The following A1BG variants were observed in gnomAD, a reference collection of about 807,000 sequenced individuals.
A1BG encodes alpha-1B-glycoprotein.
In A1BG, 44 loss-of-function variants were observed where a neutral mutation model predicts 46.0. The observed-to-expected ratio is 0.96, with a 90% CI of 0.75 to 1.23. The LOEUF (loss-of-function observed/expected upper bound fraction) is 1.23. Ranked by LOEUF, A1BG falls within the 50% of genes most tolerant of loss-of-function variation. A1BG has a pLI of 0.00. For synonymous variants in A1BG, 316 were observed against 314.7 expected (o/e 1.00, Z -0.04); for missense variants, 707 against 688.8 (o/e 1.03, Z -0.30).
At chr19:58,351,716 C>T in intron 4 of A1BG, 29 bp from the exon 5 acceptor site, 2 of 1,546,964 alleles carry the variant, frequency 1.3e-6, no homozygotes, top group Non-Finnish European at 1.7e-6. Context: ...TACTAGGCTG[C>T]CCCATCCCTG....
At position 58,353,347 on chromosome 19, in the gene A1BG, A is replaced by T; in HGVS notation, c.35-20T>A. The T allele has an allele frequency of 6.2e-7, 1 of 1,610,542 alleles. No individual in the cohort carries two copies. The highest frequency in any genetic ancestry group is 8.5e-7 in the Non-Finnish European group (1 of 1,178,456). On this transcript the variant is annotated intron_variant, in intron 1 of 7. Coordinates refer to ENST00000263100, the MANE Select transcript of A1BG (RefSeq NM_130786.4). Reference sequence around the variant, plus strand: ...TGACACCTGCGGAGACAGCCCCCGTAAGGCTCCTGTTCCCGCCCCCTCCCG... The same window carrying T: ...TGACACCTGCGGAGACAGCCCCCGTTAGGCTCCTGTTCCCGCCCCCTCCCG...
Position 58,353,040 on chromosome 19 carries a change from G to A in A1BG, c.228C>T (p.Ala76=). 6.2e-7 allele frequency: 1 copy of A among 1,614,142 alleles called. No individual in the cohort carries two copies. The highest frequency in any genetic ancestry group is 8.5e-7 in the Non-Finnish European group (1 of 1,180,022). Residue 76 remains alanine (A), a synonymous_variant, in exon 3 of 8, where the codon GCC becomes GCT. Transcript: ENST00000263100. The part of the protein sequence containing the change: ...AQEPVHLDSP[A]IKHQFLLTGD... ...CCGTCAGCAGGAACTGGTGCTTGAT[G>A]GCAGGTGAGTCAAGGTGCACAGGCT...
In A1BG at chr19:58,351,528, CT is replaced by C; in HGVS notation, c.772del (p.Ser258AlafsTer9). ...KELLVPRSST[S>X]PDRIFFHLNA... ...CAGGTGAAAGAAGATGCGATCTGGG[CT>C]GGTGCTGCTCCTGGGTACCAGCAGC... On this transcript the variant is annotated frameshift_variant, in exon 5 of 8. Transcript: ENST00000263100. LOFTEE classifies it high-confidence loss of function. 6.2e-7 allele frequency: 1 copy of C among 1,613,956 alleles called. No individual in the cohort carries two copies. The highest frequency in any genetic ancestry group is 8.5e-7 in the Non-Finnish European group (1 of 1,180,022).
chr19:58,351,549 A>G lies in A1BG; in HGVS notation c.752T>C (p.Leu251Pro). The change falls in exon 5 of 8, where the codon CTG (leucine) becomes CCG (proline). Residue 251 changes from leucine to proline, a missense_variant. Transcript: ENST00000263100. ...TGGGCTGGTGCTGCTCCTGGGTACC[A>G]GCAGCTCTTTCTCCCCGCGCCGTAG... ...FQLRRGEKEL[L>P]VPRSSTSPDR... is the part of the protein sequence containing the mutation. 6.2e-7 allele frequency: 1 copy of G among 1,613,954 alleles called. No homozygotes were observed. Among genetic ancestry groups the G allele is most frequent in the South Asian group, 1.1e-5 (1 of 91,086 alleles).
At chr19:58,350,338 C>T (rs2051945981) in intron 6 of A1BG, 32 bp downstream of exon 6, 1 of 1,520,446 alleles carries the variant, frequency 6.6e-7, no homozygotes, top group Non-Finnish European at 8.9e-7. Flanking sequence ...ACTGAACCCG[C>T]GCCCGCCCTC....
At position 58,351,505 on chromosome 19, in the gene A1BG, G is replaced by A; in HGVS notation, c.796C>T (p.Leu266=). The A allele has an allele frequency of 6.2e-7, 1 of 1,613,926 alleles. No individual in the cohort carries two copies. Among genetic ancestry groups the A allele is most frequent in the Non-Finnish European group, 8.5e-7 (1 of 1,180,028 alleles). ...CCATCCCCCAGGGCCACCGCGTTCA[G>A]GTGAAAGAAGATGCGATCTGGGCTG... ...STSPDRIFFH[L]NAVALGDGGH... The change falls in exon 5 of 8, where the codon CTG becomes TTG. Residue 266 remains leucine (L), a synonymous_variant. Coordinates refer to ENST00000263100, the MANE Select transcript of A1BG (RefSeq NM_130786.4).
chr19:58,351,500 G>A lies in A1BG; in HGVS notation c.801C>T (p.Asn267=), dbSNP rs778577569. 12 of 1,613,742 alleles carry A rather than the reference G, an allele frequency of 7.4e-6. No individual in the cohort carries two copies. The African/African-American group carries it at 8.0e-5, about 11-fold the overall frequency. Residue 267 remains asparagine, a synonymous_variant, in exon 5 of 8, where the codon AAC becomes AAT. Coordinates refer to ENST00000263100, the MANE Select transcript of A1BG (RefSeq NM_130786.4). ...TSPDRIFFHL[N]AVALGDGGHY... The stretch of plus-strand genomic sequence containing the variant: ...GACCTCCATCCCCCAGGGCCACCGC[G>A]TTCAGGTGAAAGAAGATGCGATCTG...
rs867791662 is a variant in A1BG at position 58,350,773 on chromosome 19, C to T, written c.911-122G>A. On this transcript the variant is annotated intron_variant, in intron 5 of 7. Transcript: ENST00000263100. ...TGCCCGCAATGACCTGGCCAGCTTC[C>T]TCCCTCGCCTCCTCCGGGCCCGCCC... The T allele has an allele frequency of 1.8e-5, 19 of 1,080,266 alleles. No homozygotes were observed. In the Admixed American group the frequency reaches 4.3e-4, roughly 24 times the overall value. 66.9% of individuals were successfully genotyped at this position (1,080,266 alleles called of 1,614,324 possible). A position where few individuals can be genotyped will look rare whatever the true frequency, so the allele number is the denominator to read the frequency against.
intron 7 of A1BG, 138 bp downstream of exon 7, chr19:58,347,215 C>T: frequency 7.2e-7 from 1 of 1,390,420 alleles, no homozygotes; most frequent in Non-Finnish European, 9.8e-7. Flanking sequence ...CCCGCAATTC[C>T]CCCACGAGCC....
chr19:58,347,671 G>GCCACGCC (rs1277817773), intron 6 of A1BG, 31 bp from the exon 7 acceptor site: 2 of 1,369,450 alleles, frequency 1.5e-6, no homozygotes, highest in Non-Finnish European at 1.9e-6. Flanking sequence ...GTCGGGCCAG[G>GCCACGCC]CCACGCCCCA....
rs1201382332 is a variant in A1BG, at chr19:58,350,387, AAGCGCTCGCTGGGCGCGG to A, written c.1157_1174del (p.Ser386_Arg391del). 3 of 1,547,872 alleles carry A rather than the reference AAGCGCTCGCTGGGCGCGG, an allele frequency of 1.9e-6. No individual in the cohort carries two copies. Among genetic ancestry groups the A allele is most frequent in the African/African-American group, 1.4e-5 (1 of 72,908 alleles). ...CAGCTCACCGTCCACGTGCAGCTCC[AAGCGCTCGCTGGGCGCGG>A]AGCCCCCGAAAGGCGGCTTCAGGTC... On this transcript the variant is annotated inframe_deletion, in exon 6 of 8. Coordinates refer to ENST00000263100, the MANE Select transcript of A1BG (RefSeq NM_130786.4).
At chr19:58,350,039 G>A (rs1017575060) in intron 6 of A1BG, 3 of 264,780 alleles carry the variant, frequency 1.1e-5, no homozygotes, top group Non-Finnish European at 2.1e-5. Flanking sequence ...GGGGCGGGGG[G>A]TCCAGTATGA....
intron 3 of A1BG, 131 bp downstream of exon 3, chr19:58,352,797 T>G: frequency 7.4e-7 from 1 of 1,348,450 alleles, no homozygotes; most frequent in Non-Finnish European, 1.0e-6. Context: ...AACACAGACA[T>G]CATCCCCATT....
rs1428044565 is a variant in A1BG, at chr19:58,352,286, G to A, written c.610C>T (p.Leu204Phe). The A allele has an allele frequency of 6.2e-7, 1 of 1,613,198 alleles. No individual in the cohort carries two copies. Residue 204 changes from leucine (L) to phenylalanine (F), a missense_variant, in exon 4 of 8, where the codon CTC becomes TTC. Coordinates refer to ENST00000263100, the MANE Select transcript of A1BG (RefSeq NM_130786.4). ...EPSATVTIEE[L>F]AAPPPPVLMH... ...CAGAGATGGTTCCCACAGTCACCGA[G>A]CTCCTCAATGGTCACAGTAGCGCTG...
rs1001109916 is a variant in A1BG, at chr19:58,347,463, A to C, written c.1370T>G (p.Leu457Arg). Residue 457 changes from leucine to arginine, a missense_variant, in exon 7 of 8, where the codon CTG becomes CGG. Physicochemically the swap from Leu to Arg is moderately radical, Grantham distance 102. Transcript: ENST00000263100. The stretch of plus-strand genomic sequence containing the variant: ...GGCGTGCTGGGGCCCCACGAAGATC[A>C]GCTCGAGGTTCGCCGCGGCCCCGGG... ...RTPGAAANLE[L>R]IFVGPQHAGN... is the part of the protein sequence containing the mutation. 1.7e-5 allele frequency: 27 copies of C among 1,602,660 alleles called. No homozygotes were observed. The highest frequency in any genetic ancestry group is 2.0e-5 in the Non-Finnish European group (24 of 1,173,610).
At position 58,347,352 on chromosome 19, in the gene A1BG, C is replaced by T. The variant is rs1333323761; in HGVS notation, c.1480+1G>A. On this transcript the variant is annotated splice_donor_variant, in intron 7 of 7. Transcript: ENST00000263100. LOFTEE classifies it high-confidence loss of function. ...GCACCCGGGACCCAGGGAAACGTCA[C>T]CTGCCACCAGGAGCTCCACAGGGTC... The T allele has an allele frequency of 6.2e-7, 1 of 1,611,404 alleles. No homozygotes were observed. The highest frequency in any genetic ancestry group is 1.1e-5 in the South Asian group (1 of 91,030).
At position 58,346,591 on chromosome 19, in the gene A1BG, A is replaced by G; in HGVS notation, c.*431T>C. ...AATAATTAGCCAGACGTGGCGATGC[A>G]TGCCCAGGCTCCCAGCTACTTGGGA... On this transcript the variant is annotated 3_prime_UTR_variant, in exon 8 of 8. Coordinates refer to ENST00000263100, the MANE Select transcript of A1BG (RefSeq NM_130786.4). 1 of 262,136 alleles carries G rather than the reference A, an allele frequency of 3.8e-6. No individual in the cohort carries two copies. Among genetic ancestry groups the G allele is most frequent in the Admixed American group, 4.9e-5 (1 of 20,338 alleles). The allele number at this position is 262,136 out of a possible 1,614,324, so 16.2% of individuals were successfully genotyped here. A position where few individuals can be genotyped will look rare whatever the true frequency, so the allele number is the denominator to read the frequency against.
At chr19:58,351,325 C>T (rs1237227365) in intron 5 of A1BG, 66 bp downstream of exon 5, 3 of 1,573,498 alleles carry the variant, frequency 1.9e-6, no homozygotes, top group Non-Finnish European at 2.6e-6. Context: ...CCAGACTCTA[C>T]ACCTGGTACT....
At chr19:58,352,871 C>G in intron 3 of A1BG, 57 bp downstream of exon 3, 1 of 1,553,318 alleles carries the variant, frequency 6.4e-7, no homozygotes, top group Non-Finnish European at 8.7e-7. Context: ...GAAGGGAGAC[C>G]CCCCAGTCAA....
Sources: gnomAD v4.1 joint callset for allele counts on GRCh38, gnomAD v4.1.1 for gene constraint, MANE v1.5 for transcripts, NCBI Gene and HGNC (gene_info 2026-07-23, HGNC 2026-07-21) for gene names.